BLK: variants seen among roughly 807,000 people sequenced by gnomAD.
BLK encodes tyrosine-protein kinase Blk.
BLK carries 64 observed loss-of-function variants against 61.8 expected under a neutral mutation model. The observed-to-expected ratio is 1.03, with a 90% CI of 0.85 to 1.27. The LOEUF (loss-of-function observed/expected upper bound fraction) is 1.27. BLK is among the 50% of genes most tolerant of loss of function. The pLI is 0.00. For synonymous variants in BLK, 351 were observed against 272.0 expected, an observed-to-expected ratio of 1.29 and a Z score of -2.86; for missense variants, 853 against 660.5, an observed-to-expected ratio of 1.29 and a Z score of -3.19.
intron 8 of BLK, chr8:11,555,760 T>G (rs1364172769): frequency 1.9e-6 from 1 of 525,110 alleles, no homozygotes; most frequent in East Asian, 3.6e-5. Context: ...TGCCTGAAGC[T>G]GGCTTTGACA....
intron 11 of BLK, 87 bp from the exon 12 acceptor site, chr8:11,562,892 G>A (rs1421469424): frequency 4.4e-6 from 7 of 1,584,534 alleles, no homozygotes; most frequent in Non-Finnish European, 6.0e-6. Flanking sequence ...CTTGATGGAA[G>A]GACAGCAGGA....
chr8:11,528,121 C>A (rs529660899), intron 1 of BLK, among the ~76,000 whole-genome samples: 1 of 152,204 alleles, frequency 6.6e-6, no homozygotes, highest in African/African-American at 2.4e-5. Flanking sequence ...ACTGCAATCT[C>A]TGCCTCCCAG....
At chr8:11,496,768 C>T (rs550215886) in intron 1 of BLK, among the ~76,000 whole-genome samples, 23 of 152,196 alleles carry the variant, frequency 1.5e-4, no homozygotes, top group African/African-American at 2.2e-4. Context: ...AGGAATCTGC[C>T]GTCCTCTGGG....
intron 1 of BLK, among the ~76,000 whole-genome samples, chr8:11,502,873 G>T (rs1585319128): frequency 6.6e-6 from 1 of 152,196 alleles, no homozygotes; most frequent in Admixed American, 6.5e-5. Context: ...GCAGGGGAAG[G>T]GGGGTGGGCC....
rs1274144441 is a variant in BLK at position 11,564,115 on chromosome 8, G to A, written c.*7G>A. The A allele has an allele frequency of 1.3e-6, 2 of 1,545,076 alleles. No individual in the cohort carries two copies. Among genetic ancestry groups the A allele is most frequent in the South Asian group, 1.2e-5 (1 of 84,916 alleles). The stretch of plus-strand genomic sequence containing the variant: ...GTACGAGCTGCAGCCCTAGCCGGCC[G>A]CGCCCGCCTGCGCCCCGTGCCCACC... On this transcript the variant is annotated 3_prime_UTR_variant, in exon 13 of 13. Transcript: ENST00000259089.
chr8:11,545,934 C>CAGTAGG, intron 2 of BLK, 118 bp from the exon 3 acceptor site: 1 of 1,077,482 alleles, frequency 9.3e-7, no homozygotes, highest in Non-Finnish European at 1.4e-6. Flanking sequence ...GCAGCTGCCT[C>CAGTAGG]TCCTCCTTCA....
rs563991621 is a variant in BLK, at chr8:11,495,533, G to A, written c.-2+942G>A. Among the ~76,000 whole-genome samples, 17 of 152,268 alleles carry A rather than the reference G, an allele frequency of 1.1e-4. 1 individual carries two copies. The highest frequency in any genetic ancestry group is 6.2e-4 in the South Asian group (3 of 4,820). ...CTATTGTGAACTGCCACGACAGTGC[G>A]GTTCTTCCCACCAACTCATAACCCC... On this transcript the variant is annotated intron_variant, in intron 1 of 12. Transcript: ENST00000259089.
At chr8:11,537,074 A>T (rs1482379292) in intron 1 of BLK, among the ~76,000 whole-genome samples, 1 of 152,212 alleles carries the variant, frequency 6.6e-6, no homozygotes, top group Non-Finnish European at 1.5e-5. Context: ...GGGCTGTTTC[A>T]GGTTCACATG....
chr8:11,498,834 T>C (rs1444301461), intron 1 of BLK, among the ~76,000 whole-genome samples: 4 of 152,198 alleles, frequency 2.6e-5, no homozygotes, highest in African/African-American at 7.2e-5. Context: ...AGCCCTAATT[T>C]TTAGGTGAGT....
chr8:11,503,985 A>G (rs1798662943), intron 1 of BLK, among the ~76,000 whole-genome samples: 1 of 152,150 alleles, frequency 6.6e-6, no homozygotes, highest in African/African-American at 2.4e-5. Flanking sequence ...CCTGGGGCTA[A>G]AGTCTCCCCA....
At chr8:11,500,476 A>G (rs114257458) in intron 1 of BLK, among the ~76,000 whole-genome samples, 2,533 of 152,060 alleles carry the variant, frequency 0.017, 33 homozygotes, top group Middle Eastern at 0.068. Context: ...GATTACAAGC[A>G]TAAACCACTG....
intron 1 of BLK, among the ~76,000 whole-genome samples, chr8:11,515,026 C>T (rs1264499450): frequency 2.0e-5 from 3 of 152,170 alleles, no homozygotes; most frequent in South Asian, 2.1e-4. Flanking sequence ...CATTCCCCGA[C>T]AAGCTGCTGC....
In BLK at chr8:11,564,208, C is replaced by T. The variant is rs555197792; in HGVS notation, c.*100C>T. The T allele has an allele frequency of 6.8e-5, 94 of 1,392,174 alleles. 2 individuals carry two copies. In the Middle Eastern group the frequency reaches 3.4e-3, roughly 50 times the overall value. The allele number at this position is 1,392,174 out of a possible 1,614,324, so 86.2% of individuals were successfully genotyped here. ...CGCGAAGGCGGGGTGTCGCCTGTGC[C>T]CTTTTCTCAGACCCGGAATCCAGTG... On this transcript the variant is annotated 3_prime_UTR_variant, in exon 13 of 13. Transcript: ENST00000259089.
chr8:11,548,041 T>C lies in BLK; in HGVS notation c.185T>C (p.Phe62Ser). The C allele has an allele frequency of 6.2e-7, 1 of 1,614,050 alleles. No homozygotes were observed. The highest frequency in any genetic ancestry group is 8.5e-7 in the Non-Finnish European group (1 of 1,179,962). ...CCCTTGTTCATTTTAGACAAGCATT[T>C]CGTGGTGGCTCTGTATGACTACACC... ...PDEHLDEDKH[F>S]VVALYDYTAM... is the part of the protein sequence containing the mutation. Residue 62 changes from phenylalanine to serine, a missense_variant, in exon 4 of 13, where the codon TTC becomes TCC. By Grantham distance (155) the Phe-to-Ser change is radical. Coordinates refer to ENST00000259089, the MANE Select transcript of BLK (RefSeq NM_001715.3).
chr8:11,563,329 A>C (rs1011424315), intron 12 of BLK, among the ~76,000 whole-genome samples: 10 of 152,182 alleles, frequency 6.6e-5, no homozygotes, highest in African/African-American at 2.4e-4. Flanking sequence ...GCAGAGGTCA[A>C]ATGAGTCCCT....
At chr8:11,557,367 C>T (rs1329498430) in intron 9 of BLK, among the ~76,000 whole-genome samples, 1 of 152,180 alleles carries the variant, frequency 6.6e-6, no homozygotes, top group Non-Finnish European at 1.5e-5. Context: ...TCCTAACATG[C>T]CCATGTTGAT....
chr8:11,562,900 G>C, intron 11 of BLK, 79 bp from the exon 12 acceptor site: 1 of 1,594,402 alleles, frequency 6.3e-7, no homozygotes, highest in Non-Finnish European at 8.6e-7. Context: ...AAGGACAGCA[G>C]GAGCAGGGGT....
intron 6 of BLK, among the ~76,000 whole-genome samples, chr8:11,550,679 A>G (rs1442954618): frequency 6.6e-6 from 1 of 152,270 alleles, no homozygotes; most frequent in African/African-American, 2.4e-5. Flanking sequence ...TATGTTAGGA[A>G]GTGGCCTGTG....
chr8:11,563,064 A>T lies in BLK; in HGVS notation c.1266A>T (p.Gly422=). 6.2e-7 allele frequency: 1 copy of T among 1,613,846 alleles called. No individual in the cohort carries two copies. Among genetic ancestry groups the T allele is most frequent in the Non-Finnish European group, 8.5e-7 (1 of 1,179,982 alleles). Residue 422 remains glycine (G), a synonymous_variant, in exon 12 of 13, where the codon GGA becomes GGT. Transcript: ENST00000259089. ...FTIKADVWSF[G]VLLMEVVTYG... ...TCAAAGCAGACGTGTGGTCGTTTGGAGTCCTCCTGATGGAAGTTGTCACTT... is the reference window on the plus strand; with the variant it reads ...TCAAAGCAGACGTGTGGTCGTTTGGTGTCCTCCTGATGGAAGTTGTCACTT...
Sources: allele counts gnomAD v4.1 joint callset (sites outside exome capture counted in the v4.1 genomes callset), GRCh38; gene constraint gnomAD v4.1.1; transcripts MANE v1.5; gene names NCBI Gene and HGNC (gene_info 2026-07-23, HGNC 2026-07-21).